Variants in RICTOR observed in about 807,000 individuals in gnomAD.
RICTOR encodes rapamycin-insensitive companion of mTOR.
RICTOR carries 49 observed loss-of-function variants against 214.9 expected under a neutral mutation model. The ratio of observed to expected loss-of-function variants is 0.23; its 90% CI spans 0.18 to 0.29. The LOEUF (loss-of-function observed/expected upper bound fraction) is 0.29, where lower values mean the gene tolerates loss of function less well. Ranked by LOEUF, RICTOR falls within the 10% of genes least tolerant of loss-of-function variation. The pLI, the probability that RICTOR is intolerant of heterozygous loss-of-function variation, is 1.00. For missense variants in RICTOR, 1,625 were observed against 2,047.0 expected, an observed-to-expected ratio of 0.79 and a Z score of 3.98; for synonymous variants, 717 against 711.3, an observed-to-expected ratio of 1.01 and a Z score of -0.13.
chr5:38,958,469 T>G lies in RICTOR; in HGVS notation c.2394A>C (p.Gly798=). ...TCAGCAGGAGAAGCAAACCCTTGTC[T>G]CCAAGGTGGGATAACGCTGGTTTCA... ...IQMKPALSHL[G]DKGLLLLLRF... is the part of the protein sequence containing the mutation. The change falls in exon 24 of 38, where the codon GGA becomes GGC. Residue 798 remains glycine, a synonymous_variant. Coordinates refer to ENST00000357387, the MANE Select transcript of RICTOR (RefSeq NM_152756.5). The G allele has an allele frequency of 6.2e-7, 1 of 1,611,040 alleles. No homozygotes were observed. Among genetic ancestry groups the G allele is most frequent in the Non-Finnish European group, 8.5e-7 (1 of 1,177,388 alleles).
intron 7 of RICTOR, among the ~76,000 whole-genome samples, chr5:38,986,844 T>A (rs1247607834): frequency 2.0e-5 from 3 of 152,220 alleles, no homozygotes; most frequent in African/African-American, 7.2e-5. Flanking sequence ...TTCAGTATGA[T>A]ATTGGCTGTG....
chr5:39,013,154 G>C (rs1171657072), intron 3 of RICTOR, among the ~76,000 whole-genome samples: 1 of 152,122 alleles, frequency 6.6e-6, no homozygotes, highest in Admixed American at 6.5e-5. Context: ...TTTTAGCTAA[G>C]ATGAATTAAG....
chr5:38,954,003 T>C (rs1016237150), intron 27 of RICTOR, among the ~76,000 whole-genome samples: 1 of 152,028 alleles, frequency 6.6e-6, no homozygotes, highest in Admixed American at 6.6e-5. Flanking sequence ...ATTTAAATTT[T>C]TAGTGAAATT....
chr5:39,020,164 A>G (rs191311537), intron 3 of RICTOR, among the ~76,000 whole-genome samples: 10 of 152,326 alleles, frequency 6.6e-5, no homozygotes, highest in African/African-American at 1.2e-4. Flanking sequence ...CATGAAATCT[A>G]TTCCTGGTGA....
chr5:39,059,238 T>C (rs1328794269), intron 2 of RICTOR, among the ~76,000 whole-genome samples: 1 of 152,128 alleles, frequency 6.6e-6, no homozygotes, highest in East Asian at 1.9e-4. Flanking sequence ...ATGGATTAGT[T>C]TGGCCTGTTT....
Position 38,949,820 on chromosome 5 carries a change from G to A in RICTOR, c.4028C>T (p.Pro1343Leu), listed in dbSNP as rs767964193. 4 of 1,613,272 alleles carry A rather than the reference G, an allele frequency of 2.5e-6. No homozygotes were observed. In the Admixed American group the frequency reaches 6.7e-5, roughly 27 times the overall value. The change falls in exon 31 of 38, where the codon CCA becomes CTA. Residue 1343 changes from proline (P) to leucine (L), a missense_variant. Physicochemically the swap from Pro to Leu is moderately conservative, Grantham distance 98. This residue lies in a region of RICTOR where 1,214 missense variants were observed against 1,470.5 expected (regional missense o/e 0.83). Coordinates refer to ENST00000357387, the MANE Select transcript of RICTOR (RefSeq NM_152756.5). The stretch of plus-strand genomic sequence containing the variant: ...CAAAGCTTCAGAGTGAGATAAGGAT[G>A]GATGCATTCTTTGTTGCTGTAGTCT... ...LKRLQQQRMH[P>L]SLSHSEALAS...
chr5:38,992,215 T>C (rs1223049796), intron 6 of RICTOR, among the ~76,000 whole-genome samples: 2 of 152,150 alleles, frequency 1.3e-5, no homozygotes, highest in Non-Finnish European at 2.9e-5. Flanking sequence ...AGCTTTCATA[T>C]TCATTTCTAA....
chr5:38,970,770 T>C (rs529547558), intron 11 of RICTOR: 1 of 152,270 alleles, frequency 6.6e-6, no homozygotes, highest in South Asian at 2.1e-4. Context: ...TTACAAATAA[T>C]TTAGAAATAT....
chr5:39,048,416 T>C (rs988804959), intron 2 of RICTOR, among the ~76,000 whole-genome samples: 1 of 152,220 alleles, frequency 6.6e-6, no homozygotes, highest in Non-Finnish European at 1.5e-5. Flanking sequence ...ATGTTTTACA[T>C]GAAATACTTG....
chr5:39,015,230 A>G (rs1754854376), intron 3 of RICTOR, among the ~76,000 whole-genome samples: 1 of 152,184 alleles, frequency 6.6e-6, no homozygotes, highest in Non-Finnish European at 1.5e-5. Flanking sequence ...TTCTTATTCT[A>G]TAGAGCTATT....
In RICTOR at chr5:38,959,206, C is replaced by A. The variant is rs1357613418; in HGVS notation, c.2167G>T (p.Ala723Ser). 1 of 1,589,232 alleles carries A rather than the reference C, an allele frequency of 6.3e-7. No individual in the cohort carries two copies. Among genetic ancestry groups the A allele is most frequent in the Non-Finnish European group, 8.6e-7 (1 of 1,168,412 alleles). The change falls in exon 22 of 38, where the codon GCA (alanine) becomes TCA (serine). Residue 723 changes from alanine (A) to serine (S), a missense_variant. By Grantham distance (99) the Ala-to-Ser change is moderately conservative (BLOSUM62 1). Around this residue, in one of 5 missense-constraint regions of RICTOR, gnomAD observed 1,214 missense variants for 1,470.5 expected, o/e 0.83. Transcript: ENST00000357387. ...ARVILSKILT[A>S]ATDACRLYAT... is the part of the protein sequence containing the mutation. Reference sequence around the variant, plus strand: ...TATGTTATACTCACATCAGTAGCTGCAGTTAAAATTTTGGAAAGGATGACT... The same window carrying A: ...TATGTTATACTCACATCAGTAGCTGAAGTTAAAATTTTGGAAAGGATGACT...
chr5:39,050,784 A>G (rs923898856), intron 2 of RICTOR, among the ~76,000 whole-genome samples: 1 of 152,316 alleles, frequency 6.6e-6, no homozygotes, highest in Non-Finnish European at 1.5e-5. Context: ...CCCATGAGGG[A>G]AGTGGGAGAA....
At position 39,041,967 on chromosome 5, in the gene RICTOR, AAT is replaced by A. The variant is rs1481717256; in HGVS notation, c.98-20833_98-20832del. On this transcript the variant is annotated intron_variant, in intron 2 of 37. Coordinates refer to ENST00000357387, the MANE Select transcript of RICTOR (RefSeq NM_152756.5). ...AAAAAAAAAAAAAAAAAAAAAATTT[AAT>A]ATGTTTAATTAAAAATGATTTGAAA... Among the ~76,000 whole-genome samples, 5 of 150,812 alleles carry A rather than the reference AAT, an allele frequency of 3.3e-5. No homozygotes were observed. In the East Asian group the frequency reaches 5.8e-4, roughly 18 times the overall value.
At chr5:38,982,400 A>G (rs919003970) in intron 7 of RICTOR, among the ~76,000 whole-genome samples, 4 of 152,074 alleles carry the variant, frequency 2.6e-5, no homozygotes, top group Non-Finnish European at 5.9e-5. Context: ...GGTGTATTTC[A>G]TTTCTCTATA....
At chr5:39,073,375 A>C (rs1481736552) in intron 2 of RICTOR, among the ~76,000 whole-genome samples, 1 of 152,222 alleles carries the variant, frequency 6.6e-6, no homozygotes, top group Non-Finnish European at 1.5e-5. Context: ...TAACGGGATT[A>C]GGTCATTAAA....
intron 2 of RICTOR, among the ~76,000 whole-genome samples, chr5:39,073,618 G>A (rs977753979): frequency 3.3e-5 from 5 of 152,284 alleles, no homozygotes; most frequent in African/African-American, 1.2e-4. Context: ...ACAGGACGGT[G>A]GGCAAAGGGG....
In RICTOR at chr5:38,953,504, T is replaced by C; in HGVS notation, c.2747A>G (p.Lys916Arg). ...TTTCAGTTTTTTAATTTCTTCCCACTTATCCAAATCTGGTGTACGAACATT... is the reference window on the plus strand; with the variant it reads ...TTTCAGTTTTTTAATTTCTTCCCACCTATCCAAATCTGGTGTACGAACATT... ...CRNVRTPDLD[K>R]WEEIKKLKAS... The change falls in exon 28 of 38, where the codon AAG becomes AGG. Residue 916 changes from lysine to arginine, a missense_variant. Around this residue, in one of 5 missense-constraint regions of RICTOR, gnomAD observed 1,214 missense variants for 1,470.5 expected, o/e 0.83. Coordinates refer to ENST00000357387, the MANE Select transcript of RICTOR (RefSeq NM_152756.5). 1.3e-6 allele frequency: 2 copies of C among 1,505,424 alleles called. No individual in the cohort carries two copies. The highest frequency in any genetic ancestry group is 2.8e-5 in the South Asian group (2 of 72,466). The allele number at this position is 1,505,424 out of a possible 1,614,324, so 93.3% of individuals were successfully genotyped here.
chr5:38,960,630 G>A, intron 19 of RICTOR, 97 bp from the exon 20 acceptor site: 7 of 1,263,952 alleles, frequency 5.5e-6, no homozygotes, highest in Middle Eastern at 1.9e-4. Flanking sequence ...TTCAGAATAT[G>A]TTTTGGGTCT....
In RICTOR at chr5:38,967,281, C is replaced by A. The variant is rs1750315601; in HGVS notation, c.1152-54G>T. 2.5e-6 allele frequency: 4 copies of A among 1,595,196 alleles called. No individual in the cohort carries two copies. In the East Asian group the frequency reaches 8.9e-5, roughly 36 times the overall value. On this transcript the variant is annotated intron_variant, in intron 13 of 37. Coordinates refer to ENST00000357387, the MANE Select transcript of RICTOR (RefSeq NM_152756.5). ...AATAAAGTTTCATAGATTACACAGT[C>A]TAACATAAAAACCCGAATTCTAATA...
Sources: allele counts gnomAD v4.1 joint callset (sites outside exome capture counted in the v4.1 genomes callset), GRCh38; gene constraint gnomAD v4.1.1; regional missense constraint gnomAD v4.1.1; transcripts MANE v1.5; gene names NCBI Gene and HGNC (gene_info 2026-07-23, HGNC 2026-07-21).